DNAH3: variants seen among roughly 807,000 people sequenced by gnomAD.
DNAH3 encodes the protein axonemal beta dynein heavy chain 3.
Under a neutral mutation model 432.5 loss-of-function variants are expected in DNAH3, and 332 were observed. The ratio of observed to expected loss-of-function variants is 0.77; its 90% confidence interval spans 0.70 to 0.84. DNAH3 has a LOEUF of 0.84. DNAH3 is among the 40% of genes least tolerant of loss of function. DNAH3 has a pLI of 0.00. For missense variants in DNAH3, 4,861 were observed against 5,114.0 expected (o/e 0.95, Z 1.51); for synonymous variants, 1,956 against 1,900.2 (o/e 1.03, Z -0.76).
At chr16:20,989,593 G>A (rs962222830) in intron 44 of DNAH3, among the ~76,000 whole-genome samples, 33 of 152,250 alleles carry the variant, frequency 2.2e-4, no homozygotes, top group Non-Finnish European at 4.3e-4. Context: ...AGTGGATCCC[G>A]CACCGGGGCT....
At chr16:21,016,720 GCT>G (rs2087875355) in intron 41 of DNAH3, among the ~76,000 whole-genome samples, 1 of 152,144 alleles carries the variant, frequency 6.6e-6, no homozygotes. Context: ...GTTCATAGCA[GCT>G]TTATTCGCAA....
exon 59 of DNAH3, chr16:20,941,469 C>T: frequency 4.3e-6 from 7 of 1,614,196 alleles, no homozygotes; most frequent in Non-Finnish European, 5.9e-6. Flanking sequence ...CGGGGTACAA[C>T]TTCATGACCT....
intron 44 of DNAH3, among the ~76,000 whole-genome samples, chr16:20,989,459 G>C (rs958981478): frequency 6.6e-6 from 1 of 152,108 alleles, no homozygotes; most frequent in Non-Finnish European, 1.5e-5. Flanking sequence ...ACAGAGTGTC[G>C]ATTGGTGCAC....
intron 51 of DNAH3, among the ~76,000 whole-genome samples, chr16:20,974,348 G>C (rs11644482): frequency 0.14 from 21,164 of 151,804 alleles, 1,781 homozygotes; most frequent in Non-Finnish European, 0.18. Context: ...ACTTTGTTTT[G>C]TTTTGTTTTG....
exon 28 of DNAH3, chr16:21,054,443 G>T: frequency 1.2e-6 from 2 of 1,614,046 alleles, no homozygotes; most frequent in Non-Finnish European, 1.7e-6. Flanking sequence ...GACCGTGAGG[G>T]CCCCGAGAGT....
At chr16:21,098,548 T>G (rs908554345) in intron 17 of DNAH3, 68 bp downstream of exon 17, 6 of 1,491,232 alleles carry the variant, frequency 4.0e-6, no homozygotes, top group Non-Finnish European at 5.4e-6. Context: ...AAATAGGAAA[T>G]TCACAACCAA....
At chr16:21,120,731 C>G (rs756596350) in intron 11 of DNAH3, 1 of 1,602,446 alleles carries the variant, frequency 6.2e-7, no homozygotes, top group East Asian at 2.2e-5. Context: ...GTAGTACCGG[C>G]CCTGGTACCT....
intron 16 of DNAH3, among the ~76,000 whole-genome samples, chr16:21,102,170 T>C (rs1437587935): frequency 1.3e-5 from 2 of 152,252 alleles, no homozygotes; most frequent in Non-Finnish European, 2.9e-5. Context: ...GAGCCTCTTC[T>C]AGAGCCGCCC....
intron 18 of DNAH3, among the ~76,000 whole-genome samples, chr16:21,095,869 A>C (rs2091662009): frequency 6.6e-6 from 1 of 152,114 alleles, no homozygotes. Flanking sequence ...GGTTCAAGCG[A>C]TGCTCCTGCC....
At chr16:20,974,605 G>C (rs1422813452) in intron 51 of DNAH3, among the ~76,000 whole-genome samples, 5 of 31,690 alleles carry the variant, frequency 1.6e-4, no homozygotes, top group African/African-American at 5.5e-4. Context: ...TTTTTTTGTA[G>C]AGACAGAATC....
intron 41 of DNAH3, among the ~76,000 whole-genome samples, chr16:21,009,955 G>C (rs1344650026): frequency 7.0e-6 from 1 of 142,996 alleles, no homozygotes; most frequent in Non-Finnish European, 1.6e-5. Context: ...AGAAGGAAGG[G>C]AAGGGAAGAG....
intron 19 of DNAH3, among the ~76,000 whole-genome samples, chr16:21,085,714 G>T (rs995838391): frequency 4.0e-5 from 6 of 151,806 alleles, no homozygotes; most frequent in African/African-American, 1.2e-4. Context: ...CTCTTCCTAG[G>T]GAGAACAAAG....
exon 3 of DNAH3, chr16:21,145,324 T>A: frequency 1.2e-6 from 2 of 1,614,158 alleles, no homozygotes; most frequent in South Asian, 2.2e-5. Flanking sequence ...TCCACGGTGG[T>A]GATGCTGTTC....
At chr16:21,152,887 C>G (rs1007967427) in intron 1 of DNAH3, among the ~76,000 whole-genome samples, 2 of 152,240 alleles carry the variant, frequency 1.3e-5, no homozygotes, top group Non-Finnish European at 2.9e-5. Flanking sequence ...CCACCCCCTC[C>G]GTGGGCTCCT....
intron 61 of DNAH3, among the ~76,000 whole-genome samples, chr16:20,934,943 G>A (rs139737571): frequency 3.3e-5 from 5 of 152,158 alleles, no homozygotes; most frequent in Non-Finnish European, 5.9e-5. Context: ...ACAGTCAATC[G>A]TAGCCATTCT....
At chr16:21,152,715 C>CG (rs2152837213) in intron 1 of DNAH3, among the ~76,000 whole-genome samples, 1 of 152,368 alleles carries the variant, frequency 6.6e-6, no homozygotes, top group African/African-American at 2.4e-5. Context: ...CTGCCGGCCC[C>CG]GGGCAATGAG....
intron 41 of DNAH3, among the ~76,000 whole-genome samples, chr16:21,016,640 C>T (rs911937004): frequency 2.0e-5 from 3 of 152,112 alleles, no homozygotes; most frequent in Non-Finnish European, 4.4e-5. Context: ...AACATATGAT[C>T]CAGATTTTCA....
At chr16:21,062,226 G>A (rs1232695917) in intron 25 of DNAH3, among the ~76,000 whole-genome samples, 1 of 152,106 alleles carries the variant, frequency 6.6e-6, no homozygotes, top group African/African-American at 2.4e-5. Context: ...TCCTGCAATT[G>A]ACTCCACATC....
intron 22 of DNAH3, 44 bp downstream of exon 22, chr16:21,070,666 A>T: frequency 1.6e-6 from 2 of 1,283,000 alleles, no homozygotes; most frequent in Non-Finnish European, 2.3e-6. Context: ...AGAAACCCAG[A>T]GCTAACGAAA....
Sources: allele counts gnomAD v4.1 joint callset (sites outside exome capture counted in the v4.1 genomes callset), GRCh38; gene constraint gnomAD v4.1.1; transcripts MANE v1.5; gene names NCBI Gene and HGNC (gene_info 2026-07-23, HGNC 2026-07-21).